Variants in CD37 observed in about 807,000 individuals in gnomAD.
CD37 encodes leukocyte antigen CD37.
Under a neutral mutation model 38.9 loss-of-function variants are expected in CD37, and 37 were observed. The observed-to-expected ratio is 0.95, with a 90% CI of 0.73 to 1.25. The LOEUF is 1.25. CD37 is among the 50% of genes most tolerant of loss of function. The pLI is 0.00. For missense variants in CD37, 351 were observed against 360.1 expected, an observed-to-expected ratio of 0.97 and a Z score of 0.20; for synonymous variants, 146 against 150.1, an observed-to-expected ratio of 0.97 and a Z score of 0.20.
chr19:49,339,385 G>A lies in CD37; in HGVS notation c.740G>A (p.Gly247Asp), dbSNP rs202130474. 1.2e-6 allele frequency: 2 copies of A among 1,613,932 alleles called. No homozygotes were observed. The highest frequency in any genetic ancestry group is 1.7e-6 in the Non-Finnish European group (2 of 1,179,984). The change falls in exon 7 of 8, where the codon GGC (glycine) becomes GAC (aspartate). Residue 247 changes from glycine to aspartate, a missense_variant. Coordinates refer to ENST00000323906, the MANE Select transcript of CD37 (RefSeq NM_001774.3). This position sits in a 1 kb window ranked among gnomAD's most constrained non-coding sequence, Gnocchi z 4.5. ...WLHNNLISIV[G>D]ICLGVGLLEL... ...CACAACAACCTTATTTCCATAGTGG[G>A]CATTTGCCTGGGCGTCGGCCTACTC... is the stretch of plus-strand genomic sequence containing the variant.
Position 49,340,339 on chromosome 19 carries a change from C to T in CD37, c.*11C>T. On this transcript the variant is annotated 3_prime_UTR_variant, in exon 8 of 8. Transcript: ENST00000323906. ...GCTCGATACCGTTAGGCCCCGCCCT[C>T]CCCAAAGTCCCGCCCCGCCCCCGTC... is the stretch of plus-strand genomic sequence containing the variant. 6.3e-7 allele frequency: 1 copy of T among 1,582,474 alleles called. No homozygotes were observed. The highest frequency in any genetic ancestry group is 8.7e-7 in the Non-Finnish European group (1 of 1,152,002).
At position 49,339,587 on chromosome 19, in the gene CD37, G is replaced by C; in HGVS notation, c.768+174G>C. On this transcript the variant is annotated intron_variant, in intron 7 of 7. Transcript: ENST00000323906. The surrounding 1 kb of genome is among the most constrained non-coding windows in gnomAD (Gnocchi z 4.5). ...AGGGTGGGGGCGGCCCAGCTTCAGG[G>C]AGCCCTGATTGGGTGTACGCAGGGA... 1 of 1,451,416 alleles carries C rather than the reference G, an allele frequency of 6.9e-7. No individual in the cohort carries two copies. The highest frequency in any genetic ancestry group is 9.0e-7 in the Non-Finnish European group (1 of 1,107,458). The allele number at this position is 1,451,416 out of a possible 1,614,324, so 89.9% of individuals were successfully genotyped here. A position where few individuals can be genotyped will look rare whatever the true frequency, so the allele number is the denominator to read the frequency against.
At chr19:49,336,027 C>T in intron 2 of CD37, 1 of 555,076 alleles carries the variant, frequency 1.8e-6, no homozygotes, top group South Asian at 2.3e-5. Context: ...GGACTTGTGG[C>T]TGGTCAGATG....
Position 49,338,067 on chromosome 19 carries a change from C to A in CD37, c.447+38C>A. 6.2e-7 allele frequency: 1 copy of A among 1,605,504 alleles called. No individual in the cohort carries two copies. Among genetic ancestry groups the A allele is most frequent in the East Asian group, 2.3e-5 (1 of 44,416 alleles). Reference sequence around the variant, plus strand: ...CCTCCAGTTCCCTCCCGGACTGACCCGCCTCAGCCCTGTGCTTGGAGGAGA... The same window carrying A: ...CCTCCAGTTCCCTCCCGGACTGACCAGCCTCAGCCCTGTGCTTGGAGGAGA... On this transcript the variant is annotated intron_variant, in intron 5 of 7. Transcript: ENST00000323906. The surrounding 1 kb of genome is among the most constrained non-coding windows in gnomAD (Gnocchi z 5.0).
chr19:49,337,626 A>G, intron 4 of CD37: 2 of 1,482,640 alleles, frequency 1.3e-6, no homozygotes, highest in Non-Finnish European at 1.8e-6. Context: ...AAATTAATAG[A>G]AAGACACACC....
rs549620826 is a variant in CD37, at chr19:49,337,598, G to T, written c.343-327G>T. 11 of 1,417,496 alleles carry T rather than the reference G, an allele frequency of 7.8e-6. No individual in the cohort carries two copies. In the South Asian group the frequency reaches 8.7e-5, roughly 11 times the overall value. The allele number at this position is 1,417,496 out of a possible 1,614,324, so 87.8% of individuals were successfully genotyped here. ...GCACTCAGCCTGGGTGACAGAGTGAGACCCTGTCTCAAAAAATAAATTAAT... is the reference window on the plus strand; with the variant it reads ...GCACTCAGCCTGGGTGACAGAGTGATACCCTGTCTCAAAAAATAAATTAAT... On this transcript the variant is annotated intron_variant, in intron 4 of 7. Transcript: ENST00000323906.
Position 49,338,103 on chromosome 19 carries a change from A to T in CD37, c.447+74A>T. The T allele has an allele frequency of 6.4e-7, 1 of 1,558,388 alleles. No individual in the cohort carries two copies. The highest frequency in any genetic ancestry group is 8.7e-7 in the Non-Finnish European group (1 of 1,151,598). ...TGTGCTTGGAGGAGACTCCACCCCA[A>T]CGTGGGCCCGACCCCCAGCTCTACG... On this transcript the variant is annotated intron_variant, in intron 5 of 7. Transcript: ENST00000323906. This position sits in a 1 kb window ranked among gnomAD's most constrained non-coding sequence, Gnocchi z 5.0.
Position 49,339,952 on chromosome 19 carries a change from C to G in CD37, c.769-299C>G. The G allele has an allele frequency of 7.1e-7, 1 of 1,399,306 alleles. No homozygotes were observed. 86.7% of individuals were successfully genotyped at this position (1,399,306 alleles called of 1,614,324 possible). A position where few individuals can be genotyped will look rare whatever the true frequency, so the allele number is the denominator to read the frequency against. ...TGCGGGCGCAGAATTAGAGGAGGCA[C>G]AATTAGAGGCTGAGGCAGAGGGGGA... On this transcript the variant is annotated intron_variant, in intron 7 of 7. Transcript: ENST00000323906. The surrounding 1 kb of genome is among the most constrained non-coding windows in gnomAD (Gnocchi z 4.5).
chr19:49,338,764 G>C lies in CD37; in HGVS notation c.512G>C (p.Gly171Ala), dbSNP rs1971057540. 6 of 1,613,556 alleles carry C rather than the reference G, an allele frequency of 3.7e-6. No individual in the cohort carries two copies. Among genetic ancestry groups the C allele is most frequent in the Non-Finnish European group, 4.2e-6 (5 of 1,180,042 alleles). ...WFQVLILRGN[G>A]SEAHRVPCSC... ...CAAGTCCTCATCCTGAGAGGTAACG[G>C]GTCGGAGGCGCACCGCGTGCCCTGC... Residue 171 changes from glycine (G) to alanine (A), a missense_variant, in exon 6 of 8, where the codon GGG (glycine) becomes GCG (alanine). Physicochemically the swap from Gly to Ala is moderately conservative, Grantham distance 60 (BLOSUM62 0). Coordinates refer to ENST00000323906, the MANE Select transcript of CD37 (RefSeq NM_001774.3). The surrounding 1 kb of genome is among the most constrained non-coding windows in gnomAD (Gnocchi z 5.0).
Position 49,338,055 on chromosome 19 carries a change from C to T in CD37, c.447+26C>T. The T allele has an allele frequency of 6.2e-7, 1 of 1,608,954 alleles. No homozygotes were observed. Among genetic ancestry groups the T allele is most frequent in the Non-Finnish European group, 8.5e-7 (1 of 1,177,652 alleles). On this transcript the variant is annotated intron_variant, in intron 5 of 7. Coordinates refer to ENST00000323906, the MANE Select transcript of CD37 (RefSeq NM_001774.3). This position sits in a 1 kb window ranked among gnomAD's most constrained non-coding sequence, Gnocchi z 5.0. ...GTAAGCCCCCCTCCTCCAGTTCCCT[C>T]CCGGACTGACCCGCCTCAGCCCTGT...
In CD37 at chr19:49,338,261, G is replaced by GC; in HGVS notation, c.447+237dup. The GC allele has an allele frequency of 8.3e-7, 1 of 1,200,806 alleles. No homozygotes were observed. Among genetic ancestry groups the GC allele is most frequent in the South Asian group, 1.7e-5 (1 of 58,404 alleles). The allele number at this position is 1,200,806 out of a possible 1,614,324, so 74.4% of individuals were successfully genotyped here. A position where few individuals can be genotyped will look rare whatever the true frequency, so the allele number is the denominator to read the frequency against. On this transcript the variant is annotated intron_variant, in intron 5 of 7. Coordinates refer to ENST00000323906, the MANE Select transcript of CD37 (RefSeq NM_001774.3). The surrounding 1 kb of genome is among the most constrained non-coding windows in gnomAD (Gnocchi z 5.0). The stretch of plus-strand genomic sequence containing the variant: ...TTCGCCATCTACCTCGAGAGACTCC[G>GC]CCCCCGCCCCCGCCCCGACCAGAGG...
In CD37 at chr19:49,335,484, C is replaced by T. The variant is rs1970916108; in HGVS notation, c.-57C>T. On this transcript the variant is annotated 5_prime_UTR_variant, in exon 1 of 8. Coordinates refer to ENST00000323906, the MANE Select transcript of CD37 (RefSeq NM_001774.3). This position sits in a 1 kb window ranked among gnomAD's most constrained non-coding sequence, Gnocchi z 4.6. ...AGCCTCTTTCTTTCTCCCTGTCTCCCCCACTGTCAGCACCTCTTCTGTGTG... is the reference window on the plus strand; with the variant it reads ...AGCCTCTTTCTTTCTCCCTGTCTCCTCCACTGTCAGCACCTCTTCTGTGTG... 2 of 1,207,804 alleles carry T rather than the reference C, an allele frequency of 1.7e-6. No homozygotes were observed. The highest frequency in any genetic ancestry group is 3.4e-5 in the Admixed American group (2 of 58,412). The allele number at this position is 1,207,804 out of a possible 1,614,324, so 74.8% of individuals were successfully genotyped here.
chr19:49,338,793 T>C lies in CD37; in HGVS notation c.541T>C (p.Cys181Arg). The change falls in exon 6 of 8, where the codon TGC becomes CGC. Residue 181 changes from cysteine to arginine, a missense_variant. Transcript: ENST00000323906. This position sits in a 1 kb window ranked among gnomAD's most constrained non-coding sequence, Gnocchi z 5.0. Reference protein sequence around the residue: ...GSEAHRVPCSCYNLSATNDST... With the variant: ...GSEAHRVPCSRYNLSATNDST... ...GGAGGCGCACCGCGTGCCCTGCTCCTGCTACAACTTGTCGGCGACCAACGA... is the reference window on the plus strand; with the variant it reads ...GGAGGCGCACCGCGTGCCCTGCTCCCGCTACAACTTGTCGGCGACCAACGA... 6.2e-7 allele frequency: 1 copy of C among 1,614,074 alleles called. No homozygotes were observed. Among genetic ancestry groups the C allele is most frequent in the Non-Finnish European group, 8.5e-7 (1 of 1,180,040 alleles).
In CD37 at chr19:49,339,321, A is replaced by AC. The variant is rs749240554; in HGVS notation, c.685-3dup. The AC allele has an allele frequency of 5.0e-6, 8 of 1,611,794 alleles. No homozygotes were observed. In the Admixed American group the frequency reaches 1.3e-4, roughly 27 times the overall value. On this transcript the variant is annotated splice_polypyrimidine_tract_variant and intron_variant, in intron 6 of 7. Transcript: ENST00000323906. This position sits in a 1 kb window ranked among gnomAD's most constrained non-coding sequence, Gnocchi z 4.5. ...AAGAATCCCTTTAACTTTTCCCTAC[A>AC]CCCCCCAGGGCTGCGCGCAGGGCCT...
In CD37 at chr19:49,337,189, C is replaced by G; in HGVS notation, c.310C>G (p.Leu104Val). 1 of 1,614,184 alleles carries G rather than the reference C, an allele frequency of 6.2e-7. No homozygotes were observed. The highest frequency in any genetic ancestry group is 1.7e-5 in the Admixed American group (1 of 60,018). The change falls in exon 4 of 8, where the codon CTG (leucine) becomes GTG (valine). Residue 104 changes from leucine (L) to valine (V), a missense_variant. Physicochemically the swap from Leu to Val is conservative, Grantham distance 32. Transcript: ENST00000323906. ...GCTCCTGTTTGCCACACAGATCACCCTGGGAATCCTCATCTCCACTCAGCG... is the reference window on the plus strand; with the variant it reads ...GCTCCTGTTTGCCACACAGATCACCGTGGGAATCCTCATCTCCACTCAGCG... ...LLLLFATQIT[L>V]GILISTQRAQ...
rs1313557470 is a variant in CD37 at position 49,337,002 on chromosome 19, CCCTCAAGGAGCTCCGCTGCCTCCTGG to C, written c.237_262del (p.Leu80ProfsTer82). On this transcript the variant is annotated frameshift_variant, in exon 3 of 8. Coordinates refer to ENST00000323906, the MANE Select transcript of CD37 (RefSeq NM_001774.3). LOFTEE classifies it high-confidence loss of function. ...ATCGCCCTCCTGGGTTGTGTGGGGG[CCCTCAAGGAGCTCCGCTGCCTCCTGG>C]GCCTGGTGAGTGCACCATCCCTCTC... The C allele has an allele frequency of 6.2e-7, 1 of 1,613,628 alleles. No homozygotes were observed. The highest frequency in any genetic ancestry group is 8.5e-7 in the Non-Finnish European group (1 of 1,179,680).
chr19:49,338,724 C>A lies in CD37; in HGVS notation c.472C>A (p.Pro158Thr). The A allele has an allele frequency of 6.2e-7, 1 of 1,612,542 alleles. No individual in the cohort carries two copies. The highest frequency in any genetic ancestry group is 8.5e-7 in the Non-Finnish European group (1 of 1,179,912). Residue 158 changes from proline to threonine, a missense_variant, in exon 6 of 8, where the codon CCG becomes ACG. Coordinates refer to ENST00000323906, the MANE Select transcript of CD37 (RefSeq NM_001774.3). This position sits in a 1 kb window ranked among gnomAD's most constrained non-coding sequence, Gnocchi z 5.0. ...FQLRCCGWHY[P>T]QDWFQVLILR... ...GCTGCGCTGCTGCGGCTGGCACTAC[C>A]CGCAGGACTGGTTCCAAGTCCTCAT...
In CD37 at chr19:49,336,925, T is replaced by G; in HGVS notation, c.159T>G (p.Pro53=). The change falls in exon 3 of 8, where the codon CCT becomes CCG. Residue 53 remains proline (P), a synonymous_variant. Transcript: ENST00000323906. ...CTCTCCCAGGCTTGGCCTTCGTGCC[T>G]CTGCAGATCTGGTCCAAAGTCCTGG... ...FVSFVGLAFV[P]LQIWSKVLAI... The G allele has an allele frequency of 6.2e-7, 1 of 1,614,180 alleles. No homozygotes were observed. Among genetic ancestry groups the G allele is most frequent in the Non-Finnish European group, 8.5e-7 (1 of 1,180,000 alleles).
Position 49,339,270 on chromosome 19 carries a change from C to A in CD37, c.685-60C>A. ...GGTGAGGGTTGGCCTGAAAAGAACG[C>A]TGGGCCTGGGCTTGAGAGTCCCAGA... On this transcript the variant is annotated intron_variant, in intron 6 of 7. Coordinates refer to ENST00000323906, the MANE Select transcript of CD37 (RefSeq NM_001774.3). This position sits in a 1 kb window ranked among gnomAD's most constrained non-coding sequence, Gnocchi z 4.5. The A allele has an allele frequency of 6.7e-7, 1 of 1,488,440 alleles. No homozygotes were observed. The highest frequency in any genetic ancestry group is 9.3e-7 in the Non-Finnish European group (1 of 1,071,670). 92.2% of individuals were successfully genotyped at this position (1,488,440 alleles called of 1,614,324 possible).
Sources: allele counts gnomAD v4.1 joint callset, GRCh38; gene constraint gnomAD v4.1.1; non-coding constraint Gnocchi (gnomAD v3.1); transcripts MANE v1.5; gene names NCBI Gene and HGNC (gene_info 2026-07-23, HGNC 2026-07-21).